Variants in CWC27 observed in about 807,000 individuals in gnomAD.
The protein encoded by CWC27 is CWC27 spliceosome associated cyclophilin, also known as spliceosome-associated protein CWC27 homolog.
In CWC27, 47 loss-of-function variants were observed where a neutral mutation model predicts 63.6. That is an observed-to-expected ratio of 0.74 (90% CI 0.58 to 0.94). The LOEUF is 0.94. CWC27 is among the 40% of genes least tolerant of loss of function. CWC27 has a pLI of 0.00. For missense variants in CWC27, 495 were observed against 554.3 expected, an observed-to-expected ratio of 0.89 and a Z score of 1.07; for synonymous variants, 175 against 179.8, an observed-to-expected ratio of 0.97 and a Z score of 0.22.
At chr5:64,840,651 C>G (rs943385415) in intron 10 of CWC27, among the ~76,000 whole-genome samples, 2 of 151,486 alleles carry the variant, frequency 1.3e-5, no homozygotes, top group African/African-American at 4.9e-5. Context: ...AGACAGTAGT[C>G]AAATCATAAA....
intron 1 of CWC27, among the ~76,000 whole-genome samples, chr5:64,770,779 A>G (rs1471815304): frequency 1.3e-5 from 2 of 152,256 alleles, no homozygotes; most frequent in African/African-American, 2.4e-5. Context: ...TTTGAGAAGT[A>G]TTAAGCATCA....
chr5:64,955,527 A>G (rs1748788260), intron 11 of CWC27, among the ~76,000 whole-genome samples: 1 of 152,158 alleles, frequency 6.6e-6, no homozygotes, highest in African/African-American at 2.4e-5. Context: ...CATTACCACT[A>G]AAATTGAGCA....
intron 13 of CWC27, among the ~76,000 whole-genome samples, chr5:65,010,367 T>C (rs1453270802): frequency 6.6e-6 from 1 of 152,214 alleles, no homozygotes; most frequent in Non-Finnish European, 1.5e-5. Context: ...GAGATTTTTC[T>C]TTAAAAATAA....
intron 10 of CWC27, among the ~76,000 whole-genome samples, chr5:64,856,315 T>C (rs1746257356): frequency 6.6e-6 from 1 of 151,958 alleles, no homozygotes; most frequent in African/African-American, 2.4e-5. Flanking sequence ...ATAGTTTCCC[T>C]AGTTAGGAGA....
chr5:64,942,807 C>T lies in CWC27; in HGVS notation c.1043-28896C>T, dbSNP rs1025795666. ...GAGCAGCATAAATATGGCTTTACTCCGGACTTTAGACACTTCAGCTTTAAT... is the reference window on the plus strand; with the variant it reads ...GAGCAGCATAAATATGGCTTTACTCTGGACTTTAGACACTTCAGCTTTAAT... On this transcript the variant is annotated intron_variant, in intron 11 of 13. Transcript: ENST00000381070. 1.2e-4 allele frequency among the ~76,000 whole-genome samples: 19 copies of T among 152,246 alleles called. No individual in the cohort carries two copies. In the East Asian group the frequency reaches 2.3e-3, roughly 19 times the overall value.
At chr5:64,801,684 A>G (rs1004032109) in intron 9 of CWC27, among the ~76,000 whole-genome samples, 6 of 152,072 alleles carry the variant, frequency 3.9e-5, no homozygotes, top group African/African-American at 1.4e-4. Context: ...GGCATCCTAC[A>G]TGATATATGG....
intron 11 of CWC27, among the ~76,000 whole-genome samples, chr5:64,931,836 T>C (rs1748242997): frequency 6.6e-6 from 1 of 152,104 alleles, no homozygotes; most frequent in Admixed American, 6.5e-5. Context: ...TTTGTCAATG[T>C]TTTTATGTGT....
intron 10 of CWC27, among the ~76,000 whole-genome samples, chr5:64,829,967 A>G (rs1403526972): frequency 7.2e-6 from 1 of 139,786 alleles, no homozygotes; most frequent in African/African-American, 2.8e-5. Context: ...TGCAAAGAAC[A>G]TGAACTCATC....
chr5:64,786,747 A>G, intron 6 of CWC27, 120 bp downstream of exon 6: 1 of 598,808 alleles, frequency 1.7e-6, no homozygotes. Flanking sequence ...TGAACCAGAG[A>G]GATATTGGAA....
At chr5:64,993,154 A>G (rs774303339) in intron 13 of CWC27, among the ~76,000 whole-genome samples, 69 of 152,188 alleles carry the variant, frequency 4.5e-4, no homozygotes, top group Non-Finnish European at 9.3e-4. Flanking sequence ...AGCACTCAGT[A>G]TAGTGCCTGA....
chr5:64,852,661 T>G (rs747341795), intron 10 of CWC27, among the ~76,000 whole-genome samples: 3 of 152,078 alleles, frequency 2.0e-5, no homozygotes, highest in Admixed American at 2.0e-4. Flanking sequence ...TTAGGAGAGA[T>G]AGGGTTTCAC....
intron 10 of CWC27, among the ~76,000 whole-genome samples, chr5:64,881,204 C>T (rs78160697): frequency 0.029 from 4,356 of 152,098 alleles, 223 homozygotes; most frequent in African/African-American, 0.099. Context: ...TCTTCAATCA[C>T]TTGAAACATT....
intron 1 of CWC27, among the ~76,000 whole-genome samples, chr5:64,772,528 A>G (rs1019956971): frequency 1.4e-5 from 2 of 144,502 alleles, no homozygotes; most frequent in Non-Finnish European, 3.0e-5. Context: ...TCAGGAGGCT[A>G]AGGCAGGGGA....
At chr5:64,840,339 T>C (rs1343409242) in intron 10 of CWC27, among the ~76,000 whole-genome samples, 12 of 131,976 alleles carry the variant, frequency 9.1e-5, no homozygotes, top group African/African-American at 3.4e-4. Flanking sequence ...TGTTGGCCTT[T>C]GTGTGTTTTT....
At chr5:64,911,324 A>G (rs1747781746) in intron 11 of CWC27, among the ~76,000 whole-genome samples, 1 of 152,172 alleles carries the variant, frequency 6.6e-6, no homozygotes, top group Non-Finnish European at 1.5e-5. Context: ...TTTACAAATA[A>G]ATAGAAATAT....
chr5:64,861,956 T>C (rs1005771612), intron 10 of CWC27, among the ~76,000 whole-genome samples: 1 of 152,240 alleles, frequency 6.6e-6, no homozygotes, highest in Non-Finnish European at 1.5e-5. Flanking sequence ...ATACATGTAT[T>C]TATCCTGTGC....
Position 64,807,749 on chromosome 5 carries a change from C to T in CWC27, c.938+3363C>T, listed in dbSNP as rs1416108897. Reference sequence around the variant, plus strand: ...TATTACTCACTCGCCACAATGTTTACTTCACACTTCAAACTCACTCAACGG... The same window carrying T: ...TATTACTCACTCGCCACAATGTTTATTTCACACTTCAAACTCACTCAACGG... On this transcript the variant is annotated intron_variant, in intron 10 of 13. Coordinates refer to ENST00000381070, the MANE Select transcript of CWC27 (RefSeq NM_005869.4). 2.6e-6 allele frequency: 4 copies of T among 1,535,816 alleles called. No homozygotes were observed. In the African/African-American group the frequency reaches 5.5e-5, roughly 21 times the overall value.
At chr5:64,981,714 C>T (rs1350099985) in intron 13 of CWC27, among the ~76,000 whole-genome samples, 3 of 152,172 alleles carry the variant, frequency 2.0e-5, no homozygotes, top group African/African-American at 4.8e-5. Flanking sequence ...CCTTAAAGAG[C>T]TTTAGTGAAA....
chr5:65,003,722 T>C (rs184867796), intron 13 of CWC27, among the ~76,000 whole-genome samples: 190 of 152,298 alleles, frequency 1.2e-3, no homozygotes, highest in African/African-American at 4.4e-3. Flanking sequence ...GACTGTATCA[T>C]CCCAGTCTTT....
Sources: allele counts gnomAD v4.1 joint callset (sites outside exome capture counted in the v4.1 genomes callset), GRCh38; gene constraint gnomAD v4.1.1; transcripts MANE v1.5; gene names NCBI Gene and HGNC (gene_info 2026-07-23, HGNC 2026-07-21).